Variants in GPR78 observed in about 807,000 individuals in gnomAD.
GPR78 encodes the protein G protein-coupled receptor 78.
GPR78 carries 29 observed loss-of-function variants against 17.9 expected under a neutral mutation model. The observed-to-expected ratio is 1.62, with a 90% CI of 1.20 to 2.21. The LOEUF is 2.21. GPR78 is among the 30% of genes most tolerant of loss of function. The pLI, the probability that GPR78 is intolerant of heterozygous loss-of-function variation, is 0.00. For synonymous variants in GPR78, 349 were observed against 256.9 expected (o/e 1.36, Z -3.43); for missense variants, 649 against 530.5 (o/e 1.22, Z -2.19).
rs201411082 is a variant in GPR78 at position 8,587,082 on chromosome 4, G to A, written c.811G>A (p.Val271Met). Residue 271 changes from valine to methionine, a missense_variant, in exon 3 of 3, where the codon GTG (valine) becomes ATG (methionine). Coordinates refer to ENST00000382487, the MANE Select transcript of GPR78 (RefSeq NM_080819.5). ...RLAELVPFVT[V>M]NAQWGILSKC... ...GGCGGAGCTCGTGCCCTTCGTCACC[G>A]TGAACGCCCAGTGGGGCATCCTCAG... 30 of 1,612,614 alleles carry A rather than the reference G, an allele frequency of 1.9e-5. No homozygotes were observed. The African/African-American group carries it at 2.5e-4, about 14-fold the overall frequency.
At chr4:8,581,777 C>A (rs921763872) in intron 1 of GPR78, 127 bp downstream of exon 1, 2 of 671,764 alleles carry the variant, frequency 3.0e-6, no homozygotes, top group Non-Finnish European at 4.7e-6. Context: ...ACAGCACTGC[C>A]CCTGCACGCT....
intron 2 of GPR78, among the ~76,000 whole-genome samples, chr4:8,583,766 C>T (rs988470798): frequency 1.3e-5 from 2 of 152,194 alleles, no homozygotes; most frequent in Non-Finnish European, 2.9e-5. Context: ...TGAGTGGCAC[C>T]AGCTCTCTCC....
rs558127805 is a variant in GPR78 at position 8,586,182 on chromosome 4, C to G, written c.783-872C>G. Among the ~76,000 whole-genome samples, 3 of 152,288 alleles carry G rather than the reference C, an allele frequency of 2.0e-5. No individual in the cohort carries two copies. In the East Asian group the frequency reaches 5.8e-4, roughly 29 times the overall value. On this transcript the variant is annotated intron_variant, in intron 2 of 2. Coordinates refer to ENST00000382487, the MANE Select transcript of GPR78 (RefSeq NM_080819.5). ...CAGAAGCCTTGTCCTGACTCCATGG[C>G]CCCTACCCTAGGCTGTGCTGAGAGC... is the stretch of plus-strand genomic sequence containing the variant.
intron 1 of GPR78, 69 bp from the exon 2 acceptor site, chr4:8,582,462 C>T (rs767177899): frequency 4.1e-5 from 44 of 1,062,624 alleles, no homozygotes; most frequent in Non-Finnish European, 5.6e-5. Flanking sequence ...CACTTCAGCC[C>T]CTGGGCTCTG....
At position 8,580,665 on chromosome 4, in the gene GPR78, C is replaced by CA; in HGVS notation, c.-318_-317insA. 2.3e-6 allele frequency: 1 copy of CA among 443,006 alleles called. No individual in the cohort carries two copies. The highest frequency in any genetic ancestry group is 4.0e-6 in the Non-Finnish European group (1 of 252,720). 27.4% of individuals were successfully genotyped at this position (443,006 alleles called of 1,614,324 possible). ...TCCCTCGCCCCTACGCCCCGCGCCCCTGCGCCTCGCTTCAGCCTCAGGACA... is the reference window on the plus strand; with the variant it reads ...TCCCTCGCCCCTACGCCCCGCGCCCCATGCGCCTCGCTTCAGCCTCAGGACA... On this transcript the variant is annotated 5_prime_UTR_variant, in exon 1 of 3. The change creates a new upstream start codon in the 5' untranslated region. Coordinates refer to ENST00000382487, the MANE Select transcript of GPR78 (RefSeq NM_080819.5).
At position 8,589,716 on chromosome 4, in the gene GPR78, C is replaced by G. The variant is rs967909860; in HGVS notation, c.*2353C>G. The stretch of plus-strand genomic sequence containing the variant: ...ACTCAAGGAAACGCGTGCACCCTGC[C>G]CTGCTGGAAGGCACCATGGTTAGAG... On this transcript the variant is annotated 3_prime_UTR_variant, in exon 3 of 3. Transcript: ENST00000382487. Among the ~76,000 whole-genome samples, 2 of 152,160 alleles carry G rather than the reference C, an allele frequency of 1.3e-5. No individual in the cohort carries two copies. The highest frequency in any genetic ancestry group is 4.8e-5 in the African/African-American group (2 of 41,436).
intron 2 of GPR78, among the ~76,000 whole-genome samples, chr4:8,585,353 G>T (rs1047415291): frequency 2.6e-5 from 4 of 152,172 alleles, no homozygotes; most frequent in African/African-American, 9.7e-5. Flanking sequence ...CCTGCACCGT[G>T]GCTTAACTAG....
rs1273664509 is a variant in GPR78, at chr4:8,587,635, T to G, written c.*272T>G. The G allele has an allele frequency of 1.1e-5, 6 of 544,140 alleles. No individual in the cohort carries two copies. The East Asian group carries it at 1.9e-4, about 17-fold the overall frequency. The allele number at this position is 544,140 out of a possible 1,614,324, so 33.7% of individuals were successfully genotyped here. A position where few individuals can be genotyped will look rare whatever the true frequency, so the allele number is the denominator to read the frequency against. ...AACCTTAGCTTCCTCACCCTTGTTC[T>G]GGGGTCATGGCGATGCTTCGAGACA... is the stretch of plus-strand genomic sequence containing the variant. On this transcript the variant is annotated 3_prime_UTR_variant, in exon 3 of 3. Transcript: ENST00000382487.
chr4:8,582,022 T>G (rs1166610603), intron 1 of GPR78, among the ~76,000 whole-genome samples: 1 of 152,146 alleles, frequency 6.6e-6, no homozygotes, highest in African/African-American at 2.4e-5. Context: ...TTGCATGGAC[T>G]TGGGCTTCAA....
rs368935557 is a variant in GPR78, at chr4:8,580,799, C to A, written c.-184C>A. 28 of 626,464 alleles carry A rather than the reference C, an allele frequency of 4.5e-5. No homozygotes were observed. The South Asian group carries it at 4.9e-4, about 11-fold the overall frequency. 38.8% of individuals were successfully genotyped at this position (626,464 alleles called of 1,614,324 possible). ...GCTCCGCAGAGCTACGCCCTCCCCC[C>A]GGGTGCCCCGGACCCTGCACTTGCC... On this transcript the variant is annotated 5_prime_UTR_variant, in exon 1 of 3. Transcript: ENST00000382487.
intron 2 of GPR78, among the ~76,000 whole-genome samples, chr4:8,584,248 CTG>C (rs1253146143): frequency 1.3e-5 from 2 of 152,168 alleles, no homozygotes; most frequent in Non-Finnish European, 2.9e-5. Flanking sequence ...ATGGGTGTAA[CTG>C]TTATTTTCCT....
In GPR78 at chr4:8,581,606, C is replaced by A. The variant is rs1713292365; in HGVS notation, c.624C>A (p.Thr208=). 2 of 1,540,606 alleles carry A rather than the reference C, an allele frequency of 1.3e-6. No individual in the cohort carries two copies. The highest frequency in any genetic ancestry group is 1.7e-6 in the Non-Finnish European group (2 of 1,150,024). Residue 208 remains threonine, a synonymous_variant, in exon 1 of 3, where the codon ACC becomes ACA. Coordinates refer to ENST00000382487, the MANE Select transcript of GPR78 (RefSeq NM_080819.5). ...VARRHCQRMD[T]VTMKALALLA... ...GCAGACACTGCCAGCGCATGGACAC[C>A]GTCACCATGAAGGCGCTCGCGCTGC... is the stretch of plus-strand genomic sequence containing the variant.
Position 8,580,660 on chromosome 4 carries a change from C to A in GPR78, c.-323C>A, listed in dbSNP as rs1015914232. The A allele has an allele frequency of 4.6e-6, 2 of 433,546 alleles. No homozygotes were observed. The highest frequency in any genetic ancestry group is 5.0e-5 in the South Asian group (1 of 19,962). The allele number at this position is 433,546 out of a possible 1,614,324, so 26.9% of individuals were successfully genotyped here. ...AGACCTCCCTCGCCCCTACGCCCCGCGCCCCTGCGCCTCGCTTCAGCCTCA... is the reference window on the plus strand; with the variant it reads ...AGACCTCCCTCGCCCCTACGCCCCGAGCCCCTGCGCCTCGCTTCAGCCTCA... On this transcript the variant is annotated 5_prime_UTR_variant, in exon 1 of 3. Transcript: ENST00000382487.
rs1713598377 is a variant in GPR78, at chr4:8,588,333, C to T, written c.*970C>T. 6.6e-6 allele frequency among the ~76,000 whole-genome samples: 1 copy of T among 152,202 alleles called. No individual in the cohort carries two copies. Among genetic ancestry groups the T allele is most frequent in the Non-Finnish European group, 1.5e-5 (1 of 68,034 alleles). On this transcript the variant is annotated 3_prime_UTR_variant, in exon 3 of 3. Transcript: ENST00000382487. ...TCCCTGAGTAGTGGTGTGCATCACC[C>T]CCAGTTTAGTAATCACGGGGTGCCA...
Position 8,582,704 on chromosome 4 carries a change from G to A in GPR78, c.782+60G>A. 3 of 1,141,732 alleles carry A rather than the reference G, an allele frequency of 2.6e-6. 1 individual carries two copies. In the South Asian group the frequency reaches 3.7e-5, roughly 14 times the overall value. 70.7% of individuals were successfully genotyped at this position (1,141,732 alleles called of 1,614,324 possible). On this transcript the variant is annotated intron_variant, in intron 2 of 2. Transcript: ENST00000382487. The stretch of plus-strand genomic sequence containing the variant: ...CAGCTGGGTGGGCTTGGCCTCAGTT[G>A]AGTAGGCCTCTGAGGTTTCCCAGCA...
Position 8,589,621 on chromosome 4 carries a change from C to T in GPR78, c.*2258C>T, listed in dbSNP as rs1560284217. On this transcript the variant is annotated 3_prime_UTR_variant, in exon 3 of 3. Transcript: ENST00000382487. Reference sequence around the variant, plus strand: ...TCCCCAGGTGCGAGGAGCCTGCCAGCCAGTGGGGCCTACACTCTGTGTTAT... The same window carrying T: ...TCCCCAGGTGCGAGGAGCCTGCCAGTCAGTGGGGCCTACACTCTGTGTTAT... Among the ~76,000 whole-genome samples, 1 of 152,246 alleles carries T rather than the reference C, an allele frequency of 6.6e-6. No homozygotes were observed. The highest frequency in any genetic ancestry group is 2.4e-5 in the African/African-American group (1 of 41,462).
intron 2 of GPR78, among the ~76,000 whole-genome samples, chr4:8,583,815 C>A (rs1482566990): frequency 6.6e-6 from 1 of 152,192 alleles, no homozygotes; most frequent in African/African-American, 2.4e-5. Flanking sequence ...AGAATCAGCA[C>A]GTGGGACAGG....
chr4:8,584,671 A>T (rs1713426784), intron 2 of GPR78, among the ~76,000 whole-genome samples: 1 of 152,222 alleles, frequency 6.6e-6, no homozygotes, highest in Admixed American at 6.5e-5. Flanking sequence ...CAGCTGGACC[A>T]GTTTGGACGG....
Position 8,587,605 on chromosome 4 carries a change from C to T in GPR78, c.*242C>T, listed in dbSNP as rs2109302716. On this transcript the variant is annotated 3_prime_UTR_variant, in exon 3 of 3. Transcript: ENST00000382487. ...TGGCCCCGGGACAGTGGCTTTTCCT[C>T]TCTGAACCTTAGCTTCCTCACCCTT... 1 of 583,512 alleles carries T rather than the reference C, an allele frequency of 1.7e-6. No individual in the cohort carries two copies. The highest frequency in any genetic ancestry group is 3.1e-6 in the Non-Finnish European group (1 of 327,220). 36.1% of individuals were successfully genotyped at this position (583,512 alleles called of 1,614,324 possible).
Sources: allele counts gnomAD v4.1 joint callset (sites outside exome capture counted in the v4.1 genomes callset), GRCh38; gene constraint gnomAD v4.1.1; transcripts MANE v1.5; gene names NCBI Gene and HGNC (gene_info 2026-07-23, HGNC 2026-07-21).